The following ARHGEF17 variants were observed in gnomAD, a reference collection of about 807,000 sequenced individuals.
ARHGEF17 encodes the protein Rho guanine nucleotide exchange factor 17, also known as 164 kDa Rho-specific guanine-nucleotide exchange factor.
A neutral mutation model predicts 174.0 loss-of-function variants in ARHGEF17; 80 were observed. The observed-to-expected ratio is 0.46, with a 90% CI of 0.38 to 0.55. The LOEUF (loss-of-function observed/expected upper bound fraction) is 0.55, where lower values mean the gene tolerates loss of function less well. Among genes scored for constraint, ARHGEF17 ranks in the 20% least tolerant of loss-of-function variants. The probability of loss-of-function intolerance (pLI) is 0.00; values close to 1 mark genes in which losing one functional copy is unlikely to be tolerated. For synonymous variants in ARHGEF17, 1,311 were observed against 1,189.1 expected (o/e 1.10, Z -2.11); for missense variants, 2,886 against 2,839.7 (o/e 1.02, Z -0.37).
At chr11:73,344,061 CCT>C (rs747331857) in intron 1 of ARHGEF17, among the ~76,000 whole-genome samples, 1 of 152,192 alleles carries the variant, frequency 6.6e-6, no homozygotes, top group African/African-American at 2.4e-5. Flanking sequence ...GGAGTGGCCC[CCT>C]CTGTCTTCCT....
rs775178053 is a variant in ARHGEF17 at position 73,365,609 on chromosome 11, G to T, written c.5725+45G>T. On this transcript the variant is annotated intron_variant, in intron 19 of 20. Transcript: ENST00000263674. This position sits in a 1 kb window ranked among gnomAD's most constrained non-coding sequence, Gnocchi z 4.9. ...ACAGCACCCTCCTTGGAGCCTTTCT[G>T]CCCGATCGTAGAGGCGGCTGAGCCA... 6.2e-7 allele frequency: 1 copy of T among 1,609,298 alleles called. No homozygotes were observed. Among genetic ancestry groups the T allele is most frequent in the Non-Finnish European group, 8.5e-7 (1 of 1,176,128 alleles).
At chr11:73,367,358 T>C (rs1865857167) in intron 20 of ARHGEF17, among the ~76,000 whole-genome samples, 1 of 152,204 alleles carries the variant, frequency 6.6e-6, no homozygotes, top group Non-Finnish European at 1.5e-5. Context: ...CTTGGGAAAT[T>C]ATGTGACTCC....
rs1337993550 is a variant in ARHGEF17 at position 73,310,375 on chromosome 11, G to A, written c.1737G>A (p.Glu579=). The A allele has an allele frequency of 1.2e-6, 2 of 1,613,916 alleles. No homozygotes were observed. The highest frequency in any genetic ancestry group is 1.7e-6 in the Non-Finnish European group (2 of 1,180,020). The change falls in exon 1 of 21, where the codon GAG becomes GAA. Residue 579 remains glutamate, a synonymous_variant. Transcript: ENST00000263674. ...SELLLTGPGA[E]EDPLPLIVQD... ...TCCTGCTCACAGGCCCTGGTGCCGA[G>A]GAGGATCCGCTGCCCCTCATCGTCC...
At chr11:73,344,832 G>A (rs1865434348) in intron 1 of ARHGEF17, among the ~76,000 whole-genome samples, 1 of 152,220 alleles carries the variant, frequency 6.6e-6, no homozygotes, top group South Asian at 2.1e-4. Flanking sequence ...CAGTCAGTCT[G>A]GGCGAGAACT....
At chr11:73,321,426 A>G (rs725103) in intron 1 of ARHGEF17, among the ~76,000 whole-genome samples, 46,838 of 152,134 alleles carry the variant, frequency 0.31, 9,483 homozygotes, top group African/African-American at 0.58. Context: ...GAGTGTCTGT[A>G]TGCCTGGTGG....
At chr11:73,352,518 G>A (rs541128986) in intron 2 of ARHGEF17, among the ~76,000 whole-genome samples, 1 of 152,284 alleles carries the variant, frequency 6.6e-6, no homozygotes, top group Non-Finnish European at 1.5e-5. Context: ...TGAGTTAGTG[G>A]TGGGAGGTCT....
intron 11 of ARHGEF17, 94 bp from the exon 12 acceptor site, chr11:73,360,994 G>A (rs1865728788): frequency 2.9e-6 from 3 of 1,027,344 alleles, no homozygotes; most frequent in African/African-American, 1.6e-5. Flanking sequence ...ACCCTGAGGG[G>A]CAGGGGAGGA....
intron 1 of ARHGEF17, among the ~76,000 whole-genome samples, chr11:73,318,222 C>T (rs533977982): frequency 1.3e-5 from 2 of 152,082 alleles, no homozygotes; most frequent in African/African-American, 2.4e-5. Flanking sequence ...TCCCCACCAT[C>T]GCCTCCTGCT....
intron 1 of ARHGEF17, among the ~76,000 whole-genome samples, chr11:73,331,036 A>G (rs576350196): frequency 6.6e-6 from 1 of 152,240 alleles, no homozygotes; most frequent in East Asian, 1.9e-4. Flanking sequence ...GGGCCCAGCT[A>G]TTACCATTCT....
intron 1 of ARHGEF17, among the ~76,000 whole-genome samples, chr11:73,329,659 C>T (rs1865173119): frequency 6.6e-6 from 1 of 152,020 alleles, no homozygotes; most frequent in South Asian, 2.1e-4. Context: ...CTCAGCCTCC[C>T]AAAGTGCTGG....
chr11:73,350,315 G>C (rs1260443764), intron 2 of ARHGEF17, among the ~76,000 whole-genome samples: 2 of 152,204 alleles, frequency 1.3e-5, no homozygotes, highest in Admixed American at 6.5e-5. Context: ...CTTTAGAACA[G>C]TGAGTAAATT....
At chr11:73,348,994 G>A (rs1400475876) in intron 2 of ARHGEF17, among the ~76,000 whole-genome samples, 1 of 152,172 alleles carries the variant, frequency 6.6e-6, no homozygotes, top group Non-Finnish European at 1.5e-5. Context: ...CAGGAGGCTG[G>A]AAGGAACCTA....
chr11:73,326,020 G>A (rs1865096114), intron 1 of ARHGEF17, among the ~76,000 whole-genome samples: 1 of 152,266 alleles, frequency 6.6e-6, no homozygotes, highest in Admixed American at 6.5e-5. Context: ...TAAGCTCTGA[G>A]TGGCGGGTTG....
intron 1 of ARHGEF17, 130 bp downstream of exon 1, chr11:73,311,960 A>G: frequency 9.5e-7 from 1 of 1,055,652 alleles, no homozygotes. Context: ...CTGGTCCTGG[A>G]AGTGCCTGTG....
intron 1 of ARHGEF17, among the ~76,000 whole-genome samples, chr11:73,328,984 A>G (rs1372242026): frequency 6.6e-6 from 1 of 152,044 alleles, no homozygotes; most frequent in East Asian, 1.9e-4. Context: ...CAGAGATGAG[A>G]CGTGAGGCTG....
intron 2 of ARHGEF17, among the ~76,000 whole-genome samples, chr11:73,349,442 T>C (rs971451587): frequency 2.6e-5 from 4 of 151,926 alleles, no homozygotes; most frequent in African/African-American, 9.7e-5. Context: ...TGGTGAAACC[T>C]CATCTCTACT....
intron 2 of ARHGEF17, chr11:73,347,214 G>A (rs938833723): frequency 3.4e-5 from 19 of 564,612 alleles, no homozygotes; most frequent in East Asian, 9.7e-5. Flanking sequence ...GTTCTTCCAC[G>A]TCCCCCTGGC....
At position 73,309,259 on chromosome 11, in the gene ARHGEF17, G is replaced by A. The variant is rs1310218513; in HGVS notation, c.621G>A (p.Ala207=). ...LRRPQQQQER[A]QRPADGLHSW... ...GGCCGCAGCAGCAACAGGAGCGGGC[G>A]CAGCGTCCAGCGGATGGTTTACATT... Residue 207 remains alanine (A), a synonymous_variant, in exon 1 of 21, where the codon GCG becomes GCA. Coordinates refer to ENST00000263674, the MANE Select transcript of ARHGEF17 (RefSeq NM_014786.4). 1.9e-6 allele frequency: 3 copies of A among 1,608,148 alleles called. No homozygotes were observed. Among genetic ancestry groups the A allele is most frequent in the East Asian group, 4.5e-5 (2 of 44,328 alleles).
chr11:73,316,801 G>A (rs1366015801), intron 1 of ARHGEF17, among the ~76,000 whole-genome samples: 1 of 152,238 alleles, frequency 6.6e-6, no homozygotes, highest in Non-Finnish European at 1.5e-5. Context: ...GGCCTGGTCT[G>A]ACTTAAGCAT....
Sources: allele counts gnomAD v4.1 joint callset (sites outside exome capture counted in the v4.1 genomes callset), GRCh38; gene constraint gnomAD v4.1.1; non-coding constraint Gnocchi (gnomAD v3.1); transcripts MANE v1.5; gene names NCBI Gene and HGNC (gene_info 2026-07-23, HGNC 2026-07-21).